VPS13C: variants seen among roughly 807,000 people sequenced by gnomAD.
VPS13C encodes intermembrane lipid transfer protein VPS13C.
A neutral mutation model predicts 456.8 loss-of-function variants in VPS13C; 358 were observed. The ratio of observed to expected loss-of-function variants is 0.78; its 90% CI spans 0.72 to 0.86. VPS13C has a LOEUF of 0.86. Ranked by LOEUF, VPS13C falls within the 40% of genes least tolerant of loss-of-function variation. The pLI is 0.00. For missense variants in VPS13C, 4,818 were observed against 4,385.4 expected (o/e 1.10, Z -2.79); for synonymous variants, 1,578 against 1,486.7 (o/e 1.06, Z -1.41).
intron 18 of VPS13C, among the ~76,000 whole-genome samples, chr15:61,987,958 T>C (rs1283628756): frequency 4.6e-5 from 7 of 152,058 alleles, no homozygotes; most frequent in Admixed American, 3.3e-4. Context: ...TTATCTGTAA[T>C]AGCCAAAACC....
At chr15:61,923,629 T>A (rs2140191654) in intron 53 of VPS13C, among the ~76,000 whole-genome samples, 2 of 151,962 alleles carry the variant, frequency 1.3e-5, no homozygotes, top group South Asian at 4.2e-4. Flanking sequence ...TGAGAAATAC[T>A]AGGTTAAATA....
At position 62,048,984 on chromosome 15, in the gene VPS13C, T is replaced by C. The variant is rs2048525888; in HGVS notation, c.101-4729A>G. Among the ~76,000 whole-genome samples, 3 of 150,884 alleles carry C rather than the reference T, an allele frequency of 2.0e-5. No homozygotes were observed. The South Asian group carries it at 6.3e-4, about 31-fold the overall frequency. ...TTTCTTGTAAATTTGTTTGAGTTCA[T>C]TGTAGATTCTGGATATTAGCCCTTT... On this transcript the variant is annotated intron_variant, in intron 1 of 84. Coordinates refer to ENST00000644861, the MANE Select transcript of VPS13C (RefSeq NM_020821.3).
chr15:61,998,946 T>G (rs2046494210), intron 16 of VPS13C, among the ~76,000 whole-genome samples: 1 of 152,246 alleles, frequency 6.6e-6, no homozygotes, highest in African/African-American at 2.4e-5. Context: ...AATAACATTT[T>G]CTTTTCTCTG....
chr15:62,043,725 T>C (rs552224916), intron 2 of VPS13C, among the ~76,000 whole-genome samples: 3 of 152,118 alleles, frequency 2.0e-5, no homozygotes, highest in Non-Finnish European at 4.4e-5. Context: ...AGAAACCTAA[T>C]TGGGGGATGG....
intron 28 of VPS13C, among the ~76,000 whole-genome samples, chr15:61,968,119 A>G (rs1247449042): frequency 6.6e-6 from 1 of 152,046 alleles, no homozygotes; most frequent in Non-Finnish European, 1.5e-5. Flanking sequence ...CAGGTCCTAT[A>G]GAAATTACTA....
intron 66 of VPS13C, among the ~76,000 whole-genome samples, chr15:61,891,456 A>C (rs1398569498): frequency 6.6e-6 from 1 of 152,222 alleles, no homozygotes; most frequent in Admixed American, 6.5e-5. Flanking sequence ...CTCTAATAAG[A>C]AATCAAATTT....
At chr15:62,050,703 G>A (rs937092672) in intron 1 of VPS13C, among the ~76,000 whole-genome samples, 1 of 151,588 alleles carries the variant, frequency 6.6e-6, no homozygotes, top group Non-Finnish European at 1.5e-5. Flanking sequence ...TCAGGATTCT[G>A]AGGCAGAAGA....
Position 61,881,735 on chromosome 15 carries a change from A to G in VPS13C, c.9706+12T>C, listed in dbSNP as rs1895873166. ...ATAAGGTATATCTATGTCACAACTTATTTTATTTTACCTGAATCTAAAGCA... is the reference window on the plus strand; with the variant it reads ...ATAAGGTATATCTATGTCACAACTTGTTTTATTTTACCTGAATCTAAAGCA... On this transcript the variant is annotated intron_variant, in intron 70 of 84. Transcript: ENST00000644861. The G allele has an allele frequency of 6.2e-7, 1 of 1,608,054 alleles. No homozygotes were observed. Among genetic ancestry groups the G allele is most frequent in the Non-Finnish European group, 8.5e-7 (1 of 1,178,232 alleles).
In VPS13C at chr15:61,920,284, G is replaced by A. The variant is rs114617267; in HGVS notation, c.7260C>T (p.Asp2420=). 1.3e-4 allele frequency: 210 copies of A among 1,611,852 alleles called. No individual in the cohort carries two copies. The African/African-American group carries it at 2.3e-3, about 18-fold the overall frequency. Residue 2420 remains aspartate (D), a synonymous_variant, in exon 57 of 85, where the codon GAC becomes GAT. Transcript: ENST00000644861. The part of the protein sequence containing the change: ...TASTFDYSLK[D]RAPFTVKNAV... The stretch of plus-strand genomic sequence containing the variant: ...CATTTTTTACCGTAAAAGGAGCTCT[G>A]TCCTTTAAAGAGTAGTCAAAAGTAG...
At position 61,867,769 on chromosome 15, in the gene VPS13C, T is replaced by G. The variant is rs1894694638; in HGVS notation, c.10863+890A>C. On this transcript the variant is annotated intron_variant, in intron 81 of 84. Transcript: ENST00000644861. The surrounding 1 kb of genome is among the most constrained non-coding windows in gnomAD (Gnocchi z 5.0). The stretch of plus-strand genomic sequence containing the variant: ...ACCAGGAATACCACAAGTTTTTATT[T>G]GTAGTCAATCCCACTACTATGAAAA... 1 of 1,482,868 alleles carries G rather than the reference T, an allele frequency of 6.7e-7. No homozygotes were observed. The highest frequency in any genetic ancestry group is 2.8e-5 in the Admixed American group (1 of 35,100). The allele number at this position is 1,482,868 out of a possible 1,614,324, so 91.9% of individuals were successfully genotyped here.
At position 61,923,861 on chromosome 15, in the gene VPS13C, C is replaced by CTTTTTTTTTTTT. The variant is rs1188960583; in HGVS notation, c.6610-1111_6610-1100dup. The stretch of plus-strand genomic sequence containing the variant: ...GCCATATGTGACCACCCCTCTAAAT[C>CTTTTTTTTTTTT]TTTTTTTTTTTTTTTTTTTTTTGAG... On this transcript the variant is annotated intron_variant, in intron 53 of 84. Coordinates refer to ENST00000644861, the MANE Select transcript of VPS13C (RefSeq NM_020821.3). Among the ~76,000 whole-genome samples the CTTTTTTTTTTTT allele has an allele frequency of 3.0e-3, 227 of 75,144 alleles. 42 individuals carry two copies. The highest frequency in any genetic ancestry group is 4.8e-3 in the Non-Finnish European group (196 of 41,044). 49.3% of individuals were successfully genotyped at this position (75,144 alleles called of 152,430 possible). A position where few individuals can be genotyped will look rare whatever the true frequency, so the allele number is the denominator to read the frequency against.
At position 61,982,386 on chromosome 15, in the gene VPS13C, T is replaced by C. The variant is rs977085530; in HGVS notation, c.2029+73A>G. On this transcript the variant is annotated intron_variant, in intron 21 of 84. Transcript: ENST00000644861. The stretch of plus-strand genomic sequence containing the variant: ...AAAAAAAGCAACATAATATTTTGAA[T>C]ACAATGTTTACATTAGAGTAGGCAA... The C allele has an allele frequency of 1.9e-5, 20 of 1,072,548 alleles. No individual in the cohort carries two copies. In the East Asian group the frequency reaches 4.8e-4, roughly 26 times the overall value. 66.4% of individuals were successfully genotyped at this position (1,072,548 alleles called of 1,614,324 possible).
intron 79 of VPS13C, among the ~76,000 whole-genome samples, chr15:61,871,627 G>C (rs907786469): frequency 1.3e-5 from 2 of 151,960 alleles, no homozygotes; most frequent in African/African-American, 2.4e-5. Context: ...GACTTGGCTT[G>C]TCAATTTCTG....
At chr15:61,914,497 A>G (rs1267022776) in intron 61 of VPS13C, among the ~76,000 whole-genome samples, 2 of 151,278 alleles carry the variant, frequency 1.3e-5, no homozygotes, top group African/African-American at 4.9e-5. Flanking sequence ...TGAACCCGGG[A>G]GGCGGAGGTT....
Position 61,872,044 on chromosome 15 carries a change from A to C in VPS13C, c.10579-10T>G. 2.5e-6 allele frequency: 4 copies of C among 1,612,174 alleles called. No homozygotes were observed. The highest frequency in any genetic ancestry group is 3.4e-6 in the Non-Finnish European group (4 of 1,178,790). On this transcript the variant is annotated splice_polypyrimidine_tract_variant and intron_variant, in intron 78 of 84. Coordinates refer to ENST00000644861, the MANE Select transcript of VPS13C (RefSeq NM_020821.3). ...CTCCACCAACAACTCCCTGAAAGAG[A>C]AATCAATCATATAGTTTAGACTGAA...
chr15:61,926,486 ATAAAG>A (rs1379600700), intron 52 of VPS13C, among the ~76,000 whole-genome samples: 3 of 152,240 alleles, frequency 2.0e-5, no homozygotes, highest in Admixed American at 6.5e-5. Context: ...ATATTTCATG[ATAAAG>A]TATAGACTTC....
At chr15:61,925,201 G>A (rs182924679) in intron 53 of VPS13C, among the ~76,000 whole-genome samples, 56 of 144,794 alleles carry the variant, frequency 3.9e-4, no homozygotes, top group African/African-American at 1.4e-3. Flanking sequence ...CACAACACAC[G>A]CATGCAAATA....
intron 9 of VPS13C, 67 bp from the exon 10 acceptor site, chr15:62,014,059 C>A: frequency 1.8e-6 from 2 of 1,125,676 alleles, no homozygotes; most frequent in South Asian, 1.5e-5. Context: ...CTAATACTTA[C>A]ATAATGTAAC....
intron 42 of VPS13C, among the ~76,000 whole-genome samples, 192 bp from the exon 43 acceptor site, chr15:61,947,501 T>C (rs949888615): frequency 6.6e-6 from 1 of 152,012 alleles, no homozygotes; most frequent in African/African-American, 2.4e-5. Flanking sequence ...ATTAGCACGT[T>C]CCCCTTCAAA....
Sources: gnomAD v4.1 joint callset for allele counts (sites outside exome capture counted in the v4.1 genomes callset) on GRCh38, gnomAD v4.1.1 for gene constraint, Gnocchi (gnomAD v3.1) non-coding constraint, MANE v1.5 for transcripts, NCBI Gene and HGNC (gene_info 2026-07-23, HGNC 2026-07-21) for gene names.